The following PGPEP1 variants were observed in gnomAD, a reference collection of about 807,000 sequenced individuals.
PGPEP1 encodes the protein pyroglutamyl-peptidase 1.
A neutral mutation model predicts 24.1 loss-of-function variants in PGPEP1; 15 were observed. The ratio of observed to expected loss-of-function variants is 0.62; its 90% confidence interval spans 0.42 to 0.96. PGPEP1 has a LOEUF of 0.96. PGPEP1 is among the 40% of genes least tolerant of loss of function. The pLI, the probability that PGPEP1 is intolerant of heterozygous loss-of-function variation, is 0.00. For missense variants in PGPEP1, 242 were observed against 273.4 expected (o/e 0.89, Z 0.81); for synonymous variants, 122 against 116.4 (o/e 1.05, Z -0.31).
rs931140829 is a variant in PGPEP1 at position 18,364,942 on chromosome 19, C to CG, written c.*1365dup. 2.1e-5 allele frequency: 2 copies of CG among 93,858 alleles called. No individual in the cohort carries two copies. The highest frequency in any genetic ancestry group is 5.3e-4 in the South Asian group (2 of 3,802). 5.8% of individuals were successfully genotyped at this position (93,858 alleles called of 1,614,324 possible). On this transcript the variant is annotated 3_prime_UTR_variant, in exon 5 of 5. Transcript: ENST00000269919. Reference sequence around the variant, plus strand: ...TGTTGTTCTCCTTAGCGGGGTGGCGCGGGGGGCTCAAAACGGGGGCGCGGG... The same window carrying CG: ...TGTTGTTCTCCTTAGCGGGGTGGCGCGGGGGGGCTCAAAACGGGGGCGCGGG...
At chr19:18,363,033 T>TTGTGTGTGTGTGTGTGTGTGTGTGTGTG in intron 4 of PGPEP1, among the ~76,000 whole-genome samples, 3 of 136,788 alleles carry the variant, frequency 2.2e-5, no homozygotes, top group East Asian at 2.1e-4. Context: ...TTTTTTTTGT[T>TTGTGTGTGTGTGTGTGTGTGTGTGTGTG]TGTGTGTGTG....
intron 2 of PGPEP1, among the ~76,000 whole-genome samples, chr19:18,347,950 T>A (rs1970902594): frequency 6.6e-6 from 1 of 152,156 alleles, no homozygotes; most frequent in South Asian, 2.1e-4. Context: ...TCTCTTCTGA[T>A]CCTTTCTCTT....
At chr19:18,359,447 C>T (rs1244401037) in intron 4 of PGPEP1, among the ~76,000 whole-genome samples, 1 of 151,842 alleles carries the variant, frequency 6.6e-6, no homozygotes, top group Non-Finnish European at 1.5e-5. Flanking sequence ...AGCCTCAGGG[C>T]CTTTGAACAC....
chr19:18,342,240 CCTT>C (rs1216350379), intron 1 of PGPEP1, among the ~76,000 whole-genome samples: 2 of 152,150 alleles, frequency 1.3e-5, no homozygotes, highest in African/African-American at 4.8e-5. Context: ...AGCTTTTTCA[CCTT>C]CTTGCTGTGT....
chr19:18,345,986 T>C (rs1970831458), intron 2 of PGPEP1, among the ~76,000 whole-genome samples: 1 of 141,104 alleles, frequency 7.1e-6, no homozygotes, highest in Non-Finnish European at 1.5e-5. Flanking sequence ...AGACTCTGTC[T>C]CAAAAAAAAA....
chr19:18,346,733 C>A (rs1600197220), intron 2 of PGPEP1, among the ~76,000 whole-genome samples: 2 of 150,864 alleles, frequency 1.3e-5, no homozygotes, highest in East Asian at 3.9e-4. Context: ...CTCCGCCTCC[C>A]AGGTTCAAGC....
In PGPEP1 at chr19:18,344,886, C is replaced by T. The variant is rs147157727; in HGVS notation, c.87+1975C>T. ...ATTAAACAATCTTTGGAAATCCCTC[C>T]GAGCTTCGGGGCTTCTCGGATGGTG... On this transcript the variant is annotated intron_variant, in intron 2 of 4. Transcript: ENST00000269919. Among the ~76,000 whole-genome samples, 149 of 152,180 alleles carry T rather than the reference C, an allele frequency of 9.8e-4. 1 individual carries two copies. The highest frequency in any genetic ancestry group is 1.8e-3 in the Admixed American group (28 of 15,258).
At chr19:18,352,094 A>G (rs1568312758) in intron 2 of PGPEP1, among the ~76,000 whole-genome samples, 1 of 151,354 alleles carries the variant, frequency 6.6e-6, no homozygotes, top group Non-Finnish European at 1.5e-5. Flanking sequence ...ACACGATGAA[A>G]CCCCGTCTCT....
Position 18,357,529 on chromosome 19 carries a change from C to T in PGPEP1, c.351C>T (p.Asp117=). 2 of 1,613,508 alleles carry T rather than the reference C, an allele frequency of 1.2e-6. No individual in the cohort carries two copies. Among genetic ancestry groups the T allele is most frequent in the Non-Finnish European group, 1.7e-6 (2 of 1,179,750 alleles). The change falls in exon 4 of 5, where the codon GAC becomes GAT. Residue 117 remains aspartate, a synonymous_variant. Coordinates refer to ENST00000269919, the MANE Select transcript of PGPEP1 (RefSeq NM_017712.4). ...TGGAGGACGGGCCTGAAAGCATTGA[C>T]TCCATCATCGACATGGATGCTGTGT... is the stretch of plus-strand genomic sequence containing the variant. The part of the protein sequence containing the change: ...CCVEDGPESI[D]SIIDMDAVCK...
Position 18,363,549 on chromosome 19 carries a change from C to G in PGPEP1, c.596C>G (p.Ser199Ter). 1 of 1,613,968 alleles carries G rather than the reference C, an allele frequency of 6.2e-7. No homozygotes were observed. The highest frequency in any genetic ancestry group is 8.5e-7 in the Non-Finnish European group (1 of 1,179,938). The change falls in exon 5 of 5, where the codon TCA (serine) becomes TGA (stop). Residue 199 changes from serine (S) to a stop codon, truncating the protein, a stop_gained. Transcript: ENST00000269919. LOFTEE classifies it high-confidence loss of function. ...GAGATGTTGGACCTCCTGGAGCAGT[C>G]AGAGGGCAAAATCAACTATTGCCAC... ...IEEMLDLLEQSEGKINYCHKH is the reference protein window; with the variant it reads ...IEEMLDLLEQ
chr19:18,343,502 A>G (rs1022091316), intron 2 of PGPEP1, among the ~76,000 whole-genome samples: 1 of 152,112 alleles, frequency 6.6e-6, no homozygotes, highest in African/African-American at 2.4e-5. Flanking sequence ...GAGGTCACAC[A>G]GCCAAGAAAT....
chr19:18,346,851 G>C (rs1237165299), intron 2 of PGPEP1, among the ~76,000 whole-genome samples: 1 of 151,428 alleles, frequency 6.6e-6, no homozygotes, highest in African/African-American at 2.4e-5. Context: ...TGTTGGTCAG[G>C]CTGGTCTTGA....
rs1419953111 is a variant in PGPEP1 at position 18,355,943 on chromosome 19, G to A, written c.136G>A (p.Glu46Lys). The A allele has an allele frequency of 1.9e-6, 3 of 1,613,674 alleles. No homozygotes were observed. Among genetic ancestry groups the A allele is most frequent in the South Asian group, 2.2e-5 (2 of 91,048 alleles). The stretch of plus-strand genomic sequence containing the variant: ...CGACAGCGTGGACCTGCATGTGTAC[G>A]AGATTCCGGTTGAGTACCAAACAGT... ...LGDSVDLHVYEIPVEYQTVQR... is the reference protein window; with the variant it reads ...LGDSVDLHVYKIPVEYQTVQR... The change falls in exon 3 of 5, where the codon GAG becomes AAG. Residue 46 changes from glutamate to lysine, a missense_variant. Glu to Lys is a moderately conservative substitution (Grantham distance 56). Transcript: ENST00000269919.
At position 18,365,834 on chromosome 19, in the gene PGPEP1, C is replaced by A. The variant is rs183368727; in HGVS notation, c.*2251C>A. 1 of 152,226 alleles carries A rather than the reference C, an allele frequency of 6.6e-6. No homozygotes were observed. Among genetic ancestry groups the A allele is most frequent in the African/African-American group, 2.4e-5 (1 of 41,408 alleles). The allele number at this position is 152,226 out of a possible 1,614,324, so 9.4% of individuals were successfully genotyped here. The stretch of plus-strand genomic sequence containing the variant: ...CTCTGGAGGGGAAGGTGGATGCTGG[C>A]GGGTGACTTGCAGTGGGCGCCTGGC... On this transcript the variant is annotated 3_prime_UTR_variant, in exon 5 of 5. Coordinates refer to ENST00000269919, the MANE Select transcript of PGPEP1 (RefSeq NM_017712.4).
At position 18,366,345 on chromosome 19, in the gene PGPEP1, T is replaced by C. The variant is rs1971548275; in HGVS notation, c.*2762T>C. ...GATATAACCTATTGTCTGCTCATTG[T>C]CACGTGTGTGTGTGTCATCTTTGTA... On this transcript the variant is annotated 3_prime_UTR_variant, in exon 5 of 5. Coordinates refer to ENST00000269919, the MANE Select transcript of PGPEP1 (RefSeq NM_017712.4). 1.3e-5 allele frequency: 2 copies of C among 152,184 alleles called. No individual in the cohort carries two copies. Among genetic ancestry groups the C allele is most frequent in the Non-Finnish European group, 2.9e-5 (2 of 68,046 alleles). The allele number at this position is 152,184 out of a possible 1,614,324, so 9.4% of individuals were successfully genotyped here.
chr19:18,358,685 G>T (rs999303593), intron 4 of PGPEP1, among the ~76,000 whole-genome samples: 1 of 151,520 alleles, frequency 6.6e-6, no homozygotes, highest in African/African-American at 2.4e-5. Context: ...GCGCCATCTC[G>T]GCTCACTGCA....
chr19:18,346,581 GTCTC>G (rs912450348), intron 2 of PGPEP1, among the ~76,000 whole-genome samples: 12 of 146,594 alleles, frequency 8.2e-5, no homozygotes, highest in South Asian at 2.2e-4. Context: ...TGTCTCTTCT[GTCTC>G]TCTCTCTGTC....
chr19:18,341,413 G>A (rs1421769456), intron 1 of PGPEP1, among the ~76,000 whole-genome samples: 3 of 152,160 alleles, frequency 2.0e-5, no homozygotes, highest in East Asian at 1.9e-4. Context: ...TCGGGGCCAC[G>A]TGGGGCGCCA....
chr19:18,360,972 C>T (rs762302015), intron 4 of PGPEP1, among the ~76,000 whole-genome samples: 29 of 151,608 alleles, frequency 1.9e-4, no homozygotes, highest in Non-Finnish European at 3.8e-4. Context: ...GCTGGGATTA[C>T]AGGCACCCAC....
Sources: allele counts gnomAD v4.1 joint callset (sites outside exome capture counted in the v4.1 genomes callset), GRCh38; gene constraint gnomAD v4.1.1; transcripts MANE v1.5; gene names NCBI Gene and HGNC (gene_info 2026-07-23, HGNC 2026-07-21).